The following MOCS1 variants were observed in gnomAD, a reference collection of about 807,000 sequenced individuals.
The protein encoded by MOCS1 is molybdenum cofactor synthesis 1.
Under a neutral mutation model 57.6 loss-of-function variants are expected in MOCS1, and 39 were observed. The observed-to-expected ratio is 0.68, with a 90% CI of 0.52 to 0.88. The LOEUF is 0.88. Among genes scored for constraint, MOCS1 ranks in the 40% least tolerant of loss-of-function variants. The probability of loss-of-function intolerance (pLI) is 0.00; values close to 1 mark genes in which losing one functional copy is unlikely to be tolerated. For synonymous variants in MOCS1, 334 were observed against 335.7 expected, an observed-to-expected ratio of 1.00 and a Z score of 0.05; for missense variants, 795 against 831.1, an observed-to-expected ratio of 0.96 and a Z score of 0.53.
Position 39,934,434 on chromosome 6 carries a change from G to C in MOCS1, c.-17C>G, listed in dbSNP as rs751032777. 2.6e-6 allele frequency: 4 copies of C among 1,564,398 alleles called. No homozygotes were observed. The highest frequency in any genetic ancestry group is 3.4e-6 in the Non-Finnish European group (4 of 1,161,476). Reference sequence around the variant, plus strand: ...CGCCGCCATGAAGCCTGATACGAGCGGAACCGCAGCCCGCTTCGGGAGCAC... The same window carrying C: ...CGCCGCCATGAAGCCTGATACGAGCCGAACCGCAGCCCGCTTCGGGAGCAC... On this transcript the variant is annotated 5_prime_UTR_variant, in exon 1 of 11. Transcript: ENST00000340692.
Position 39,905,876 on chromosome 6 carries a change from T to C in MOCS1, c.*481A>G. The C allele has an allele frequency of 2.1e-6, 1 of 470,250 alleles. No homozygotes were observed. Among genetic ancestry groups the C allele is most frequent in the Non-Finnish European group, 4.4e-6 (1 of 227,330 alleles). The allele number at this position is 470,250 out of a possible 1,614,324, so 29.1% of individuals were successfully genotyped here. On this transcript the variant is annotated 3_prime_UTR_variant, in exon 11 of 11. Transcript: ENST00000340692. ...CTTCACAGACTTAGGGAGGCAGAGC[T>C]GCCGGGGAGAAGTTGGGATCCATTC... is the stretch of plus-strand genomic sequence containing the variant.
At position 39,934,439 on chromosome 6, in the gene MOCS1, C is replaced by A. The variant is rs1768810533; in HGVS notation, c.-22G>T. The A allele has an allele frequency of 9.0e-6, 14 of 1,562,468 alleles. No homozygotes were observed. The highest frequency in any genetic ancestry group is 1.2e-5 in the Non-Finnish European group (14 of 1,160,684). On this transcript the variant is annotated 5_prime_UTR_variant, in exon 1 of 11. Transcript: ENST00000340692. ...CCATGAAGCCTGATACGAGCGGAACCGCAGCCCGCTTCGGGAGCACACTGG... is the reference window on the plus strand; with the variant it reads ...CCATGAAGCCTGATACGAGCGGAACAGCAGCCCGCTTCGGGAGCACACTGG...
intron 3 of MOCS1, among the ~76,000 whole-genome samples, chr6:39,922,335 G>T (rs549125868): frequency 1.3e-5 from 2 of 152,290 alleles, no homozygotes; most frequent in African/African-American, 4.8e-5. Flanking sequence ...TGCCCTAGGG[G>T]CTGCACATGG....
Position 39,916,137 on chromosome 6 carries a change from G to C in MOCS1, c.514C>G (p.Leu172Val). 2 of 1,614,024 alleles carry C rather than the reference G, an allele frequency of 1.2e-6. No individual in the cohort carries two copies. Among genetic ancestry groups the C allele is most frequent in the Non-Finnish European group, 1.7e-6 (2 of 1,180,008 alleles). Residue 172 changes from leucine to valine, a missense_variant, in exon 4 of 11, where the codon CTC (leucine) becomes GTC (valine). Around this residue, in one of 3 missense-constraint regions of MOCS1, gnomAD observed 416 missense variants for 392.4 expected, o/e 1.06. Transcript: ENST00000340692. Reference protein sequence around the residue: ...RLLPQLQKAGLSAINISLDTL... With the variant: ...RLLPQLQKAGVSAINISLDTL... The stretch of plus-strand genomic sequence containing the variant: ...TCCAGGCTGATGTTGATGGCACTGA[G>C]ACCAGCCTTCTGAAGCTGGGGCAGT...
Position 39,906,729 on chromosome 6 carries a change from G to A in MOCS1, c.1539C>T (p.Leu513=). ...CAAGCTTGAAGGCTACCGGTCCCAGGAGGACCACGGCTGAAGCCACAGCCA... is the reference window on the plus strand; with the variant it reads ...CAAGCTTGAAGGCTACCGGTCCCAGAAGGACCACGGCTGAAGCCACAGCCA... ...ERVAVASAVV[L]LGPVAFKLVQ... is the part of the protein sequence containing the mutation. The change falls in exon 11 of 11, where the codon CTC becomes CTT. Residue 513 remains leucine, a synonymous_variant. Coordinates refer to ENST00000340692, the MANE Select transcript of MOCS1 (RefSeq NM_001358530.2). 6.2e-7 allele frequency: 1 copy of A among 1,614,196 alleles called. No homozygotes were observed. Among genetic ancestry groups the A allele is most frequent in the South Asian group, 1.1e-5 (1 of 91,082 alleles).
Position 39,912,944 on chromosome 6 carries a change from T to C in MOCS1, c.818A>G (p.Gln273Arg). 1 of 1,614,196 alleles carries C rather than the reference T, an allele frequency of 6.2e-7. No individual in the cohort carries two copies. The change falls in exon 7 of 11, where the codon CAG becomes CGG. Residue 273 changes from glutamine to arginine, a missense_variant. Physicochemically the swap from Gln to Arg is conservative, Grantham distance 43. This residue lies in a region of MOCS1 where 416 missense variants were observed against 392.4 expected (regional missense o/e 1.06). Transcript: ENST00000340692. ...SYKEMLDTVR[Q>R]QWPELEKVPE... ...CACCTTCTCCAGCTCTGGCCACTGCTGCCGGACAGTGTCTAGCATCTCCTT... is the reference window on the plus strand; with the variant it reads ...CACCTTCTCCAGCTCTGGCCACTGCCGCCGGACAGTGTCTAGCATCTCCTT...
At chr6:39,913,710 G>A in intron 5 of MOCS1, 64 bp downstream of exon 5, 1 of 1,565,538 alleles carries the variant, frequency 6.4e-7, no homozygotes, top group Non-Finnish European at 8.8e-7. Flanking sequence ...CCAAGGGGCG[G>A]TGAGGGGAAG....
chr6:39,916,314 T>C (rs1465114197), intron 3 of MOCS1, 82 bp from the exon 4 acceptor site: 6 of 1,556,206 alleles, frequency 3.9e-6, no homozygotes, highest in Non-Finnish European at 4.4e-6. Context: ...CAAAACTCTT[T>C]GTCCAGACAA....
chr6:39,913,090 A>T (rs1354991463), intron 6 of MOCS1, 86 bp from the exon 7 acceptor site: 1 of 1,076,570 alleles, frequency 9.3e-7, no homozygotes, highest in Non-Finnish European at 1.4e-6. Context: ...CCCCTGCCAC[A>T]GCATAGCAAT....
Position 39,904,924 on chromosome 6 carries a change from AGT to A in MOCS1, c.*1431_*1432del, listed in dbSNP as rs1336826263. The A allele has an allele frequency of 1.1e-5, 5 of 453,984 alleles. No homozygotes were observed. The highest frequency in any genetic ancestry group is 1.0e-4 in the African/African-American group (5 of 49,990). 28.1% of individuals were successfully genotyped at this position (453,984 alleles called of 1,614,324 possible). On this transcript the variant is annotated 3_prime_UTR_variant, in exon 11 of 11. Coordinates refer to ENST00000340692, the MANE Select transcript of MOCS1 (RefSeq NM_001358530.2). ...ATGAGGGGATCTGGGGTGGGCTGAG[AGT>A]GTGCTGGAGCCAGCTTGTACCAGCT...
chr6:39,904,362 G>A lies in MOCS1; in HGVS notation c.*1995C>T, dbSNP rs866216112. The stretch of plus-strand genomic sequence containing the variant: ...GATCTCCAACAGTGCCTTGGACCAT[G>A]GACTCATACTCAACTGAGTAAGAAG... On this transcript the variant is annotated 3_prime_UTR_variant, in exon 11 of 11. Coordinates refer to ENST00000340692, the MANE Select transcript of MOCS1 (RefSeq NM_001358530.2). 2.2e-5 allele frequency: 10 copies of A among 456,662 alleles called. No individual in the cohort carries two copies. The Middle Eastern group carries it at 3.3e-3, about 150-fold the overall frequency. 28.3% of individuals were successfully genotyped at this position (456,662 alleles called of 1,614,324 possible). A position where few individuals can be genotyped will look rare whatever the true frequency, so the allele number is the denominator to read the frequency against.
Position 39,925,075 on chromosome 6 carries a change from A to G in MOCS1, c.418+603T>C, listed in dbSNP as rs542436099. On this transcript the variant is annotated intron_variant, in intron 3 of 10. Transcript: ENST00000340692. ...AGCCTAGGTGACAGAGCGAGACTCT[A>G]TCTCAAAAACAAACAAACAAACAAA... 9.2e-5 allele frequency among the ~76,000 whole-genome samples: 14 copies of G among 152,290 alleles called. No individual in the cohort carries two copies. The South Asian group carries it at 2.5e-3, about 27-fold the overall frequency.
rs1766914631 is a variant in MOCS1 at position 39,906,208 on chromosome 6, T to TTTG, written c.*146_*148dup. 5 of 966,848 alleles carry TTTG rather than the reference T, an allele frequency of 5.2e-6. No individual in the cohort carries two copies. Among genetic ancestry groups the TTTG allele is most frequent in the Admixed American group, 5.1e-5 (3 of 59,072 alleles). The allele number at this position is 966,848 out of a possible 1,614,324, so 59.9% of individuals were successfully genotyped here. On this transcript the variant is annotated 3_prime_UTR_variant, in exon 11 of 11. Coordinates refer to ENST00000340692, the MANE Select transcript of MOCS1 (RefSeq NM_001358530.2). ...TAGAGATCATCTAGCAGCAGGCCTG[T>TTTG]TTGTTAGTAGTAGAGCAGGCTGACT... is the stretch of plus-strand genomic sequence containing the variant.
intron 3 of MOCS1, among the ~76,000 whole-genome samples, chr6:39,922,654 G>A (rs1768037770): frequency 6.6e-6 from 1 of 152,206 alleles, no homozygotes. Flanking sequence ...AAGTGCTGGA[G>A]AGGCAAGGGG....
rs1273465169 is a variant in MOCS1 at position 39,913,307 on chromosome 6, G to A, written c.757+10C>T. On this transcript the variant is annotated intron_variant, in intron 6 of 10. Transcript: ENST00000340692. ...TTCTTCCCTCCCTCAACCCATCCCT[G>A]GTCACTGACCATCAAAGGGCATATA... The A allele has an allele frequency of 3.1e-6, 5 of 1,610,696 alleles. No homozygotes were observed. In the South Asian group the frequency reaches 5.5e-5, roughly 18 times the overall value.
At chr6:39,925,992 A>G in intron 2 of MOCS1, 147 bp from the exon 3 acceptor site, 1 of 821,312 alleles carries the variant, frequency 1.2e-6, no homozygotes, top group East Asian at 2.6e-5. Context: ...CCTGAGGTGG[A>G]AAAACCCCAG....
intron 3 of MOCS1, among the ~76,000 whole-genome samples, chr6:39,922,555 A>G (rs1397918679): frequency 6.6e-6 from 1 of 152,208 alleles, no homozygotes; most frequent in African/African-American, 2.4e-5. Context: ...CAAACCCGCC[A>G]TAACTTTTGC....
In MOCS1 at chr6:39,934,451, C is replaced by A. The variant is rs772515165; in HGVS notation, c.-34G>T. Reference sequence around the variant, plus strand: ...ATACGAGCGGAACCGCAGCCCGCTTCGGGAGCACACTGGCCGGGCACTCGC... The same window carrying A: ...ATACGAGCGGAACCGCAGCCCGCTTAGGGAGCACACTGGCCGGGCACTCGC... On this transcript the variant is annotated 5_prime_UTR_variant, in exon 1 of 11. Coordinates refer to ENST00000340692, the MANE Select transcript of MOCS1 (RefSeq NM_001358530.2). The A allele has an allele frequency of 6.7e-6, 10 of 1,502,218 alleles. No individual in the cohort carries two copies. The highest frequency in any genetic ancestry group is 8.0e-6 in the Non-Finnish European group (9 of 1,124,442). The allele number at this position is 1,502,218 out of a possible 1,614,324, so 93.1% of individuals were successfully genotyped here.
At chr6:39,907,535 T>A (rs931575117) in intron 10 of MOCS1, among the ~76,000 whole-genome samples, 58 of 152,332 alleles carry the variant, frequency 3.8e-4, no homozygotes, top group African/African-American at 1.3e-3. Context: ...CCTATTTTTA[T>A]CTTCACATTC....
Sources: allele counts gnomAD v4.1 joint callset (sites outside exome capture counted in the v4.1 genomes callset), GRCh38; gene constraint gnomAD v4.1.1; regional missense constraint gnomAD v4.1.1; transcripts MANE v1.5; gene names NCBI Gene and HGNC (gene_info 2026-07-23, HGNC 2026-07-21).